Variants in HDAC4 observed in about 807,000 individuals in gnomAD.
The protein encoded by HDAC4 is histone deacetylase A.
Under a neutral mutation model 135.1 loss-of-function variants are expected in HDAC4, and 16 were observed. The ratio of observed to expected loss-of-function variants is 0.12; its 90% CI spans 0.08 to 0.18. HDAC4 has a LOEUF of 0.18. Ranked by LOEUF, HDAC4 falls within the 10% of genes least tolerant of loss-of-function variation. The probability of loss-of-function intolerance (pLI) is 1.00; values close to 1 mark genes in which losing one functional copy is unlikely to be tolerated. For synonymous variants in HDAC4, 685 were observed against 653.4 expected (o/e 1.05, Z -0.74); for missense variants, 1,143 against 1,511.8 (o/e 0.76, Z 4.05).
chr2:239,052,692 T>TAATC lies in HDAC4; in HGVS notation c.*401_*404dup, dbSNP rs2031045442. 2 of 256,398 alleles carry TAATC rather than the reference T, an allele frequency of 7.8e-6. No homozygotes were observed. The highest frequency in any genetic ancestry group is 1.5e-5 in the Non-Finnish European group (2 of 129,950). The allele number at this position is 256,398 out of a possible 1,614,324, so 15.9% of individuals were successfully genotyped here. A position where few individuals can be genotyped will look rare whatever the true frequency, so the allele number is the denominator to read the frequency against. On this transcript the variant is annotated 3_prime_UTR_variant, in exon 27 of 27. Transcript: ENST00000543185. ...GGTAATAAACTTTAAGCACCAGTTTTAATCAAGTTTGTTTTGTATTATTAG... is the reference window on the plus strand; with the variant it reads ...GGTAATAAACTTTAAGCACCAGTTTTAATCAATCAAGTTTGTTTTGTATTATTAG...
At chr2:239,084,776 C>CTAAACAGA (rs1559394735) in intron 19 of HDAC4, among the ~76,000 whole-genome samples, 56 of 148,006 alleles carry the variant, frequency 3.8e-4, no homozygotes, top group African/African-American at 1.3e-3. Context: ...CACACACACT[C>CTAAACAGA]CACACAGACA....
chr2:239,203,924 G>A (rs568670525), intron 3 of HDAC4, among the ~76,000 whole-genome samples: 50 of 152,344 alleles, frequency 3.3e-4, no homozygotes, highest in African/African-American at 1.2e-3. Flanking sequence ...GTTCTCCACT[G>A]AAGAGGGAGA....
chr2:239,103,547 T>C (rs747416198), intron 15 of HDAC4, among the ~76,000 whole-genome samples: 2 of 152,266 alleles, frequency 1.3e-5, no homozygotes, highest in African/African-American at 4.8e-5. Context: ...GAGATTCGAG[T>C]TAACATTTCA....
chr2:239,360,890 G>C (rs968587539), intron 1 of HDAC4, among the ~76,000 whole-genome samples: 2 of 152,154 alleles, frequency 1.3e-5, no homozygotes, highest in East Asian at 3.9e-4. Context: ...GTAGGAAAAA[G>C]GCTCTGGGGC....
intron 2 of HDAC4, among the ~76,000 whole-genome samples, chr2:239,318,394 C>T (rs762957103): frequency 3.3e-5 from 5 of 152,136 alleles, no homozygotes; most frequent in African/African-American, 4.8e-5. Context: ...GTGAATGTCA[C>T]GAAACATAAA....
chr2:239,154,940 G>T (rs1311054442), intron 7 of HDAC4: 1 of 152,252 alleles, frequency 6.6e-6, no homozygotes, highest in East Asian at 1.9e-4. Context: ...GCCCATGTTT[G>T]CAGGGTTCTT....
rs530379555 is a variant in HDAC4 at position 239,262,430 on chromosome 2, C to A, written c.23-25766G>T. 1.3e-5 allele frequency among the ~76,000 whole-genome samples: 2 copies of A among 152,324 alleles called. No individual in the cohort carries two copies. The highest frequency in any genetic ancestry group is 2.1e-4 in the South Asian group (1 of 4,830). ...TTAGGAGGAAGAGATAAAAGAGAAG[C>A]TTTTGTGAAAGCAGAGATAGAAATT... is the stretch of plus-strand genomic sequence containing the variant. On this transcript the variant is annotated intron_variant, in intron 2 of 26. Coordinates refer to ENST00000543185, the MANE Select transcript of HDAC4 (RefSeq NM_001378414.1). The surrounding 1 kb of genome is among the most constrained non-coding windows in gnomAD (Gnocchi z 4.1).
At chr2:239,200,669 C>CA (rs2045700549) in intron 3 of HDAC4, among the ~76,000 whole-genome samples, 1 of 152,184 alleles carries the variant, frequency 6.6e-6, no homozygotes, top group Non-Finnish European at 1.5e-5. Flanking sequence ...CCATTGAAAT[C>CA]AAAATGTAAA....
intron 1 of HDAC4, among the ~76,000 whole-genome samples, chr2:239,360,723 T>C (rs940169645): frequency 1.3e-5 from 2 of 151,502 alleles, no homozygotes; most frequent in African/African-American, 2.4e-5. Flanking sequence ...TGGGAAAGAG[T>C]ACTAGACAGG....
At chr2:239,195,926 A>C (rs1185805252) in intron 3 of HDAC4, among the ~76,000 whole-genome samples, 1 of 152,188 alleles carries the variant, frequency 6.6e-6, no homozygotes, top group East Asian at 1.9e-4. Flanking sequence ...GTTCATAAAG[A>C]AGCATACTGA....
Position 239,299,026 on chromosome 2 carries a change from G to A in HDAC4, c.22+53652C>T, listed in dbSNP as rs1575645462. 1.3e-5 allele frequency among the ~76,000 whole-genome samples: 2 copies of A among 151,756 alleles called. No individual in the cohort carries two copies. Among genetic ancestry groups the A allele is most frequent in the African/African-American group, 4.8e-5 (2 of 41,302 alleles). The stretch of plus-strand genomic sequence containing the variant: ...TGGGACTACAGGTGCCCGCCACCAC[G>A]CCCAGCTAATTTTTTGTATTTTTAG... On this transcript the variant is annotated intron_variant, in intron 2 of 26. Coordinates refer to ENST00000543185, the MANE Select transcript of HDAC4 (RefSeq NM_001378414.1). The surrounding 1 kb of genome is among the most constrained non-coding windows in gnomAD (Gnocchi z 4.0).
At chr2:239,144,799 C>T (rs2041642842) in intron 7 of HDAC4, 85 bp from the exon 8 acceptor site, 5 of 1,386,212 alleles carry the variant, frequency 3.6e-6, no homozygotes, top group Middle Eastern at 1.8e-4. Flanking sequence ...AAAATACGCA[C>T]TCTGGTGAGT....
chr2:239,390,112 A>G (rs762399081), intron 1 of HDAC4, among the ~76,000 whole-genome samples: 2 of 152,142 alleles, frequency 1.3e-5, no homozygotes, highest in Non-Finnish European at 2.9e-5. Flanking sequence ...TGGATCAAAC[A>G]GTGCCTGAAT....
chr2:239,129,227 G>T (rs3791458), intron 11 of HDAC4, among the ~76,000 whole-genome samples: 78,234 of 152,014 alleles, frequency 0.51, 20,626 homozygotes, highest in East Asian at 0.75. Context: ...CTACCCCTGG[G>T]TATCCTTGAA....
intron 1 of HDAC4, among the ~76,000 whole-genome samples, chr2:239,389,950 T>G (rs891128360): frequency 1.3e-5 from 2 of 152,172 alleles, no homozygotes; most frequent in African/African-American, 2.4e-5. Flanking sequence ...AATCCAAGAC[T>G]TGCTAAGACA....
chr2:239,261,589 G>A (rs1380397866), intron 2 of HDAC4, among the ~76,000 whole-genome samples: 1 of 152,218 alleles, frequency 6.6e-6, no homozygotes, highest in Non-Finnish European at 1.5e-5. Flanking sequence ...CCCAGGCTGG[G>A]AGCCTCAGGT....
rs1407972924 is a variant in HDAC4 at position 239,115,212 on chromosome 2, G to A, written c.1632C>T (p.Pro544=). 12 of 1,611,916 alleles carry A rather than the reference G, an allele frequency of 7.4e-6. No homozygotes were observed. In the South Asian group the frequency reaches 7.7e-5, roughly 10 times the overall value. The part of the protein sequence containing the change: ...LREHQALLDE[P]YLDRLPGQKE... The stretch of plus-strand genomic sequence containing the variant: ...TCTGCCCCGGCAGCCGGTCCAGGTA[G>A]GGCTCGTCCAGCAGAGCCTGGTGCT... Residue 544 remains proline (P), a synonymous_variant, in exon 13 of 27, where the codon CCC becomes CCT. Coordinates refer to ENST00000543185, the MANE Select transcript of HDAC4 (RefSeq NM_001378414.1). The surrounding 1 kb of genome is among the most constrained non-coding windows in gnomAD (Gnocchi z 6.3).
chr2:239,323,584 G>A (rs1301366531), intron 2 of HDAC4, among the ~76,000 whole-genome samples: 1 of 152,204 alleles, frequency 6.6e-6, no homozygotes. Flanking sequence ...TGAGAGAGGA[G>A]GCGTCTGGGA....
intron 2 of HDAC4, among the ~76,000 whole-genome samples, chr2:239,259,530 A>G (rs1388953595): frequency 6.6e-6 from 1 of 152,268 alleles, no homozygotes; most frequent in African/African-American, 2.4e-5. Context: ...TAATAAAAAT[A>G]GCACACATTA....
Sources: gnomAD v4.1 joint callset for allele counts (sites outside exome capture counted in the v4.1 genomes callset) on GRCh38, gnomAD v4.1.1 for gene constraint, Gnocchi (gnomAD v3.1) non-coding constraint, MANE v1.5 for transcripts, NCBI Gene and HGNC (gene_info 2026-07-23, HGNC 2026-07-21) for gene names.